The following ADCY2 variants were observed in gnomAD, a reference collection of about 807,000 sequenced individuals.
The protein encoded by ADCY2 is adenylate cyclase type 2.
ADCY2 carries 31 observed loss-of-function variants against 125.2 expected under a neutral mutation model. The ratio of observed to expected loss-of-function variants is 0.25; its 90% confidence interval spans 0.19 to 0.33. The LOEUF is 0.33. ADCY2 is among the 10% of genes least tolerant of loss of function. The pLI is 1.00. For missense variants in ADCY2, 904 were observed against 1,418.2 expected, an observed-to-expected ratio of 0.64 and a Z score of 5.82; for synonymous variants, 512 against 548.4, an observed-to-expected ratio of 0.93 and a Z score of 0.93.
chr5:7,748,245 G>A (rs767745577), intron 15 of ADCY2, among the ~76,000 whole-genome samples: 14 of 152,186 alleles, frequency 9.2e-5, no homozygotes, highest in Non-Finnish European at 1.9e-4. Flanking sequence ...GAATGTGTGG[G>A]TGAGAGAAGG....
At position 7,714,941 on chromosome 5, in the gene ADCY2, C is replaced by T. The variant is rs369406868; in HGVS notation, c.1622+2042C>T. On this transcript the variant is annotated intron_variant, in intron 11 of 24. Transcript: ENST00000338316. ...GGGCCTGGGGAAGGAGCCAGGGAGACAGAATGGAGATGTGTTGGACACAGG... is the reference window on the plus strand; with the variant it reads ...GGGCCTGGGGAAGGAGCCAGGGAGATAGAATGGAGATGTGTTGGACACAGG... 1.1e-4 allele frequency among the ~76,000 whole-genome samples: 16 copies of T among 152,290 alleles called. No individual in the cohort carries two copies. The East Asian group carries it at 2.1e-3, about 20-fold the overall frequency.
At chr5:7,561,528 A>G (rs1248932972) in intron 3 of ADCY2, among the ~76,000 whole-genome samples, 1 of 142,602 alleles carries the variant, frequency 7.0e-6, no homozygotes, top group Non-Finnish European at 1.5e-5. Flanking sequence ...ATTGATTGAA[A>G]CTTTCTTATG....
chr5:7,407,778 C>T (rs1225834440), intron 1 of ADCY2, among the ~76,000 whole-genome samples: 1 of 152,028 alleles, frequency 6.6e-6, no homozygotes, highest in Non-Finnish European at 1.5e-5. Flanking sequence ...CCGTGAGTGT[C>T]CATCGTCATG....
intron 2 of ADCY2, among the ~76,000 whole-genome samples, chr5:7,432,258 G>A (rs1025916095): frequency 4.6e-5 from 7 of 151,918 alleles, no homozygotes; most frequent in African/African-American, 1.4e-4. Flanking sequence ...GACCATCTCC[G>A]ATTTGTTTGT....
Position 7,523,054 on chromosome 5 carries a change from T to C in ADCY2, c.570+2155T>C, listed in dbSNP as rs140931614. ...CTCACAGCACCTTCACTATTTGGGG[T>C]ACCCTGGAACACATCCCTTGTACTT... On this transcript the variant is annotated intron_variant, in intron 3 of 24. Transcript: ENST00000338316. 2.0e-4 allele frequency among the ~76,000 whole-genome samples: 31 copies of C among 152,278 alleles called. No individual in the cohort carries two copies. In the East Asian group the frequency reaches 4.4e-3, roughly 22 times the overall value.
chr5:7,717,211 A>G lies in ADCY2; in HGVS notation c.1677A>G (p.Gln559=). 6.2e-7 allele frequency: 1 copy of G among 1,610,832 alleles called. No individual in the cohort carries two copies. The highest frequency in any genetic ancestry group is 1.1e-5 in the South Asian group (1 of 90,486). ...FEEELNERMI[Q]AIDGINAQKQ... ...AAGAATTGAATGAAAGGATGATTCA[A>G]GCAATTGATGGGATTAATGCACAGA... The change falls in exon 12 of 25, where the codon CAA becomes CAG. Residue 559 remains glutamine (Q), a synonymous_variant. Transcript: ENST00000338316.
At chr5:7,772,683 G>A (rs1743590479) in intron 17 of ADCY2, among the ~76,000 whole-genome samples, 2 of 151,936 alleles carry the variant, frequency 1.3e-5, no homozygotes, top group Non-Finnish European at 2.9e-5. Flanking sequence ...TCTAAAAAGT[G>A]GCAATATACA....
In ADCY2 at chr5:7,679,291, G is replaced by A. The variant is rs190728441; in HGVS notation, c.721-11400G>A. ...GTCCCGGGGGAGCGTGCTCCAGTGC[G>A]GGTCTGAGGCTGCAGGGTCAAAGAA... On this transcript the variant is annotated intron_variant, in intron 4 of 24. Coordinates refer to ENST00000338316, the MANE Select transcript of ADCY2 (RefSeq NM_020546.3). Among the ~76,000 whole-genome samples, 747 of 152,136 alleles carry A rather than the reference G, an allele frequency of 4.9e-3. 3 individuals carry two copies. The highest frequency in any genetic ancestry group is 4.7e-3 in the Non-Finnish European group (322 of 68,040).
chr5:7,446,593 T>C (rs1741265355), intron 2 of ADCY2, among the ~76,000 whole-genome samples: 1 of 151,956 alleles, frequency 6.6e-6, no homozygotes, highest in Non-Finnish European at 1.5e-5. Flanking sequence ...TAAATGTGAG[T>C]CTTTGGTATA....
chr5:7,582,996 CA>C (rs1297647501), intron 3 of ADCY2, among the ~76,000 whole-genome samples: 1 of 151,926 alleles, frequency 6.6e-6, no homozygotes, highest in Non-Finnish European at 1.5e-5. Flanking sequence ...GCAAGTGTAG[CA>C]AGGTTGAAGA....
At chr5:7,481,900 G>A (rs1579488003) in intron 2 of ADCY2, among the ~76,000 whole-genome samples, 2 of 152,110 alleles carry the variant, frequency 1.3e-5, no homozygotes, top group African/African-American at 2.4e-5. Flanking sequence ...ATGTCCTGGA[G>A]TGTTTCCCCC....
intron 1 of ADCY2, among the ~76,000 whole-genome samples, chr5:7,401,064 T>G (rs1311216756): frequency 6.6e-6 from 1 of 152,218 alleles, no homozygotes; most frequent in Non-Finnish European, 1.5e-5. Context: ...TTCTGTGACC[T>G]TGGGAAAATT....
In ADCY2 at chr5:7,633,247, A is replaced by G. The variant is rs191811595; in HGVS notation, c.720+6931A>G. 3.1e-3 allele frequency among the ~76,000 whole-genome samples: 478 copies of G among 152,132 alleles called. 1 individual carries two copies. The highest frequency in any genetic ancestry group is 0.011 in the African/African-American group (454 of 41,472). On this transcript the variant is annotated intron_variant, in intron 4 of 24. Transcript: ENST00000338316. ...GGAGTTTGAGACCAGCCTGGCCAAC[A>G]TGGTAAAACCCTGTCTCTACTAAAA...
At chr5:7,507,540 T>C (rs67792423) in intron 2 of ADCY2, among the ~76,000 whole-genome samples, 25,632 of 150,698 alleles carry the variant, frequency 0.17, 2,353 homozygotes, top group African/African-American at 0.2. Context: ...AAAAAATCAT[T>C]ACAAGGTACA....
At chr5:7,804,035 G>A (rs952184386) in intron 21 of ADCY2, among the ~76,000 whole-genome samples, 1 of 38,098 alleles carries the variant, frequency 2.6e-5, no homozygotes, top group Non-Finnish European at 6.2e-5. Context: ...CCCATGGAGG[G>A]GGGAAAGAGA....
At chr5:7,402,415 T>C (rs1044959172) in intron 1 of ADCY2, among the ~76,000 whole-genome samples, 29 of 152,228 alleles carry the variant, frequency 1.9e-4, no homozygotes, top group Non-Finnish European at 2.9e-4. Flanking sequence ...TCAACTGTTT[T>C]TGGCAATGTT....
intron 4 of ADCY2, among the ~76,000 whole-genome samples, chr5:7,649,320 T>A (rs1050388765): frequency 2.6e-5 from 4 of 152,336 alleles, no homozygotes; most frequent in African/African-American, 9.6e-5. Context: ...TATGGATGCA[T>A]CATCAGTTTA....
At chr5:7,606,059 A>G (rs914403212) in intron 3 of ADCY2, among the ~76,000 whole-genome samples, 2 of 149,786 alleles carry the variant, frequency 1.3e-5, no homozygotes, top group Non-Finnish European at 3.0e-5. Context: ...TTCTGCATCT[A>G]TTGAGATAAT....
chr5:7,429,713 A>G (rs1740520093), intron 2 of ADCY2, among the ~76,000 whole-genome samples: 2 of 152,228 alleles, frequency 1.3e-5, no homozygotes, highest in East Asian at 1.9e-4. Context: ...CTTGAATTCA[A>G]TGAAATGAAA....
Sources: allele counts gnomAD v4.1 joint callset (sites outside exome capture counted in the v4.1 genomes callset), GRCh38; gene constraint gnomAD v4.1.1; transcripts MANE v1.5; gene names NCBI Gene and HGNC (gene_info 2026-07-23, HGNC 2026-07-21).